Variants in SOX6 observed in about 807,000 individuals in gnomAD.
The protein encoded by SOX6 is transcription factor SOX-6.
A neutral mutation model predicts 97.8 loss-of-function variants in SOX6; 11 were observed. The observed-to-expected ratio is 0.11, with a 90% CI of 0.07 to 0.19. SOX6 has a LOEUF of 0.19. Ranked by LOEUF, SOX6 falls within the 10% of genes least tolerant of loss-of-function variation. The pLI, the probability that SOX6 is intolerant of heterozygous loss-of-function variation, is 1.00. For synonymous variants in SOX6, 360 were observed against 371.4 expected, an observed-to-expected ratio of 0.97 and a Z score of 0.35; for missense variants, 810 against 1,039.5, an observed-to-expected ratio of 0.78 and a Z score of 3.04.
intron 4 of SOX6, among the ~76,000 whole-genome samples, chr11:16,225,691 A>G (rs533572726): frequency 6.6e-6 from 1 of 152,258 alleles, no homozygotes; most frequent in East Asian, 1.9e-4. Context: ...AGCACTGCTT[A>G]AGTTACTTCA....
At chr11:16,079,704 T>C (rs545760749) in intron 9 of SOX6, among the ~76,000 whole-genome samples, 69 of 152,284 alleles carry the variant, frequency 4.5e-4, no homozygotes, top group African/African-American at 1.7e-3. Flanking sequence ...TTTTCTTCTG[T>C]ATTTTTTAAA....
chr11:16,495,757 T>TG (rs1255101088), intron 4 of SOX6, among the ~76,000 whole-genome samples: 2 of 152,140 alleles, frequency 1.3e-5, no homozygotes, highest in Non-Finnish European at 2.9e-5. Context: ...CCCAAGAAGC[T>TG]ACCTGAAGGC....
At chr11:16,197,896 A>G (rs910545238) in intron 4 of SOX6, among the ~76,000 whole-genome samples, 2 of 152,210 alleles carry the variant, frequency 1.3e-5, no homozygotes, top group Admixed American at 6.5e-5. Context: ...CTAAGCCTCT[A>G]CTTATAAAAA....
At chr11:16,447,525 CAG>C (rs957718332) in intron 1 of SOX6, among the ~76,000 whole-genome samples, 3 of 151,610 alleles carry the variant, frequency 2.0e-5, no homozygotes, top group South Asian at 2.1e-4. Flanking sequence ...GAGAGAGAAA[CAG>C]AAAGAGAGAG....
At chr11:16,066,549 A>C (rs1204758728) in intron 9 of SOX6, among the ~76,000 whole-genome samples, 1 of 152,218 alleles carries the variant, frequency 6.6e-6, no homozygotes, top group Non-Finnish European at 1.5e-5. Flanking sequence ...GTACTTATAC[A>C]CAGTGGAGTA....
At chr11:16,099,209 A>G (rs1848876807) in intron 7 of SOX6, among the ~76,000 whole-genome samples, 1 of 151,724 alleles carries the variant, frequency 6.6e-6, no homozygotes. Context: ...TCCTTCCATG[A>G]GGTTGATTTT....
chr11:16,050,988 C>G (rs1036494224), intron 10 of SOX6, among the ~76,000 whole-genome samples: 9 of 152,090 alleles, frequency 5.9e-5, no homozygotes, highest in Middle Eastern at 3.4e-3. Flanking sequence ...GGTAACAGAA[C>G]ATTTTCCCCC....
At chr11:16,485,926 G>GGGAGGGGAGGGGAGA (rs1565160101) in intron 4 of SOX6, among the ~76,000 whole-genome samples, 53 of 50,056 alleles carry the variant, frequency 1.1e-3, no homozygotes, top group Non-Finnish European at 1.6e-3. Context: ...GGAAGGGGAG[G>GGGAGGGGAGGGGAGA]GGAGGGGAGG....
intron 1 of SOX6, among the ~76,000 whole-genome samples, chr11:16,390,997 G>A (rs1307834003): frequency 6.6e-6 from 1 of 152,154 alleles, no homozygotes; most frequent in Admixed American, 6.5e-5. Context: ...ATACACCATG[G>A]AATACTATGC....
At chr11:16,136,609 A>T (rs1849972850) in intron 6 of SOX6, among the ~76,000 whole-genome samples, 1 of 151,984 alleles carries the variant, frequency 6.6e-6, no homozygotes, top group Admixed American at 6.6e-5. Flanking sequence ...TTTTTTAAAA[A>T]ATTTATTGTA....
At chr11:16,166,948 G>T (rs1358226567) in intron 6 of SOX6, among the ~76,000 whole-genome samples, 1 of 152,098 alleles carries the variant, frequency 6.6e-6, no homozygotes, top group Non-Finnish European at 1.5e-5. Context: ...ATGTTATGGA[G>T]GGCCATGAAC....
At chr11:16,513,353 C>T (rs1860910041) in intron 4 of SOX6, among the ~76,000 whole-genome samples, 1 of 152,190 alleles carries the variant, frequency 6.6e-6, no homozygotes. Flanking sequence ...TGGAAGGGGG[C>T]CGGGCACAGT....
intron 6 of SOX6, among the ~76,000 whole-genome samples, chr11:16,162,900 T>C (rs1270873802): frequency 1.4e-5 from 2 of 147,218 alleles, no homozygotes; most frequent in African/African-American, 2.5e-5. Flanking sequence ...TAGAATAGAA[T>C]AGGGAAAATG....
intron 12 of SOX6, among the ~76,000 whole-genome samples, chr11:16,039,620 C>G (rs1230868201): frequency 6.6e-6 from 1 of 151,808 alleles, no homozygotes; most frequent in African/African-American, 2.4e-5. Flanking sequence ...AAAGCAGATA[C>G]CAGAATCAAG....
At chr11:16,726,578 T>C (rs1328594998) in intron 2 of SOX6, among the ~76,000 whole-genome samples, 1 of 152,214 alleles carries the variant, frequency 6.6e-6, no homozygotes, top group African/African-American at 2.4e-5. Context: ...CAAGATATTA[T>C]TATTGATGGA....
chr11:16,024,711 C>T (rs985570598), intron 12 of SOX6, among the ~76,000 whole-genome samples: 30 of 151,846 alleles, frequency 2.0e-4, no homozygotes, highest in African/African-American at 6.8e-4. Flanking sequence ...AAGTATCTCA[C>T]GACCTGCTCT....
intron 3 of SOX6, among the ~76,000 whole-genome samples, chr11:16,294,366 G>A (rs911882789): frequency 6.6e-6 from 1 of 152,082 alleles, no homozygotes; most frequent in Non-Finnish European, 1.5e-5. Flanking sequence ...CTAGGAGTAA[G>A]TAGCAACTTT....
At chr11:16,050,112 A>C (rs1357717719) in intron 10 of SOX6, among the ~76,000 whole-genome samples, 174 bp from the exon 11 acceptor site, 1 of 152,160 alleles carries the variant, frequency 6.6e-6, no homozygotes. Flanking sequence ...AAACCTCATT[A>C]ATATCCCTGT....
chr11:16,117,769 A>G (rs1418519445), intron 6 of SOX6, among the ~76,000 whole-genome samples: 1 of 152,162 alleles, frequency 6.6e-6, no homozygotes, highest in Non-Finnish European at 1.5e-5. Flanking sequence ...TGAAGAATGT[A>G]ATACTGCCTT....
Sources: allele counts gnomAD v4.1 joint callset (sites outside exome capture counted in the v4.1 genomes callset), GRCh38; gene constraint gnomAD v4.1.1; transcripts MANE v1.5; gene names NCBI Gene and HGNC (gene_info 2026-07-23, HGNC 2026-07-21).